ATP8A1: variants seen among roughly 807,000 people sequenced by gnomAD.
ATP8A1 encodes phospholipid-transporting ATPase IA.
Under a neutral mutation model 177.7 loss-of-function variants are expected in ATP8A1, and 90 were observed. The ratio of observed to expected loss-of-function variants is 0.51; its 90% CI spans 0.43 to 0.60. ATP8A1 has a LOEUF of 0.60. Ranked by LOEUF, ATP8A1 falls within the 20% of genes least tolerant of loss-of-function variation. The probability of loss-of-function intolerance (pLI) is 0.00; values close to 1 mark genes in which losing one functional copy is unlikely to be tolerated. For synonymous variants in ATP8A1, 493 were observed against 485.9 expected, an observed-to-expected ratio of 1.01 and a Z score of -0.19; for missense variants, 1,072 against 1,392.8, an observed-to-expected ratio of 0.77 and a Z score of 3.67.
intron 15 of ATP8A1, among the ~76,000 whole-genome samples, chr4:42,563,310 TGAGA>T (rs1428116660): frequency 1.3e-5 from 2 of 152,132 alleles, no homozygotes; most frequent in Non-Finnish European, 2.9e-5. Context: ...ACTTCGAACT[TGAGA>T]GAGATGATTA....
intron 14 of ATP8A1, 144 bp downstream of exon 14, chr4:42,574,475 G>T: frequency 1.5e-6 from 1 of 662,458 alleles, no homozygotes; most frequent in Non-Finnish European, 2.6e-6. Flanking sequence ...ATATACATGT[G>T]TCCTAAAATT....
chr4:42,620,059 G>C (rs1288816237), intron 4 of ATP8A1, among the ~76,000 whole-genome samples: 1 of 152,144 alleles, frequency 6.6e-6, no homozygotes, highest in African/African-American at 2.4e-5. Context: ...CACAGCAAAA[G>C]TTTAACACAT....
intron 5 of ATP8A1, among the ~76,000 whole-genome samples, chr4:42,614,489 G>C (rs1433062830): frequency 6.6e-6 from 1 of 152,098 alleles, no homozygotes; most frequent in Non-Finnish European, 1.5e-5. Context: ...TTCAATTCCT[G>C]TGTTTGTCCC....
intron 27 of ATP8A1, among the ~76,000 whole-genome samples, chr4:42,455,973 TG>T (rs1476926209): frequency 2.0e-5 from 3 of 152,338 alleles, no homozygotes; most frequent in Non-Finnish European, 1.5e-5. Flanking sequence ...ATTTAAAGAT[TG>T]TTTTTTAAAA....
chr4:42,556,994 G>T (rs1272983931), intron 15 of ATP8A1, among the ~76,000 whole-genome samples: 1 of 152,152 alleles, frequency 6.6e-6, no homozygotes, highest in African/African-American at 2.4e-5. Context: ...ATATTGTAAA[G>T]GCAGCAGCTT....
In ATP8A1 at chr4:42,474,095, A is replaced by G. The variant is rs182376243; in HGVS notation, c.2325-9019T>C. On this transcript the variant is annotated intron_variant, in intron 25 of 36. Coordinates refer to ENST00000381668, the MANE Select transcript of ATP8A1 (RefSeq NM_006095.2). ...GAAGGTGGAACAATTGGTCGCACAG[A>G]CTATTGACAGAAACTAAAATACAAC... Among the ~76,000 whole-genome samples, 66 of 152,300 alleles carry G rather than the reference A, an allele frequency of 4.3e-4. 1 individual carries two copies. The highest frequency in any genetic ancestry group is 2.7e-3 in the Admixed American group (42 of 15,296).
rs562273313 is a variant in ATP8A1 at position 42,612,831 on chromosome 4, G to T, written c.409+3202C>A. Among the ~76,000 whole-genome samples the T allele has an allele frequency of 2.2e-4, 33 of 152,278 alleles. No individual in the cohort carries two copies. In the South Asian group the frequency reaches 6.2e-3, roughly 29 times the overall value. On this transcript the variant is annotated intron_variant, in intron 5 of 36. Coordinates refer to ENST00000381668, the MANE Select transcript of ATP8A1 (RefSeq NM_006095.2). ...AAAAAGACAAGTTTATATTTCTGAA[G>T]TTGCTAAGGAATGAGAGTGTTACCC...
At chr4:42,631,631 A>G (rs578077330) in intron 1 of ATP8A1, among the ~76,000 whole-genome samples, 1 of 152,334 alleles carries the variant, frequency 6.6e-6, no homozygotes, top group East Asian at 1.9e-4. Flanking sequence ...CTGTTGGCTA[A>G]TGCTTCTATT....
chr4:42,635,682 A>G (rs1455601339), intron 1 of ATP8A1, among the ~76,000 whole-genome samples: 6 of 150,462 alleles, frequency 4.0e-5, no homozygotes, highest in African/African-American at 1.2e-4. Context: ...ATATGCACAC[A>G]TATGTATTTG....
chr4:42,582,983 A>G (rs1733248345), intron 9 of ATP8A1, among the ~76,000 whole-genome samples: 1 of 152,230 alleles, frequency 6.6e-6, no homozygotes, highest in Admixed American at 6.5e-5. Context: ...AAGGTCAAAT[A>G]TAAAGAAAAA....
chr4:42,507,799 A>AAAACAAAAC (rs1724591775), intron 22 of ATP8A1, among the ~76,000 whole-genome samples: 1 of 118,902 alleles, frequency 8.4e-6, no homozygotes, highest in South Asian at 3.5e-4. Flanking sequence ...AAAAAAAAAA[A>AAAACAAAAC]AAAAAAAAAA....
chr4:42,582,599 A>G (rs946729326), intron 9 of ATP8A1, among the ~76,000 whole-genome samples: 8 of 151,050 alleles, frequency 5.3e-5, no homozygotes, highest in Non-Finnish European at 1.2e-4. Context: ...CTCACCACTT[A>G]TTTGCATTGC....
At chr4:42,639,369 A>G (rs986320329) in intron 1 of ATP8A1, among the ~76,000 whole-genome samples, 5 of 152,186 alleles carry the variant, frequency 3.3e-5, no homozygotes, top group African/African-American at 1.2e-4. Flanking sequence ...TCTGGGACAC[A>G]AAGAATTGAT....
intron 12 of ATP8A1, among the ~76,000 whole-genome samples, chr4:42,576,289 G>A (rs150117647): frequency 6.1e-4 from 92 of 151,752 alleles, no homozygotes; most frequent in African/African-American, 2.1e-3. Context: ...GGCTAACACG[G>A]TGAAACCCCG....
At chr4:42,534,023 T>C (rs953365754) in intron 20 of ATP8A1, among the ~76,000 whole-genome samples, 24 of 152,100 alleles carry the variant, frequency 1.6e-4, no homozygotes, top group African/African-American at 4.8e-4. Context: ...ATCTAAACAG[T>C]TGCCCTTGAG....
At chr4:42,493,671 T>C (rs1246269811) in intron 24 of ATP8A1, among the ~76,000 whole-genome samples, 1 of 152,194 alleles carries the variant, frequency 6.6e-6, no homozygotes, top group African/African-American at 2.4e-5. Flanking sequence ...TTCCTCCGAA[T>C]CCTTGCTCTG....
chr4:42,655,433 A>G (rs1560570220), intron 1 of ATP8A1, among the ~76,000 whole-genome samples: 1 of 152,162 alleles, frequency 6.6e-6, no homozygotes, highest in African/African-American at 2.4e-5. Context: ...GGACCCATCA[A>G]TTGCTATTAT....
intron 24 of ATP8A1, among the ~76,000 whole-genome samples, chr4:42,492,038 T>G (rs1008798922): frequency 5.9e-5 from 9 of 152,218 alleles, no homozygotes; most frequent in African/African-American, 1.7e-4. Flanking sequence ...GCTCTGAGGC[T>G]GCAATTACTT....
At chr4:42,421,696 C>T (rs1309886655) in intron 35 of ATP8A1, among the ~76,000 whole-genome samples, 1 of 152,120 alleles carries the variant, frequency 6.6e-6, no homozygotes, top group South Asian at 2.1e-4. Flanking sequence ...CTGACAACTA[C>T]TCCATTGTGT....
Sources: allele counts gnomAD v4.1 joint callset (sites outside exome capture counted in the v4.1 genomes callset), GRCh38; gene constraint gnomAD v4.1.1; transcripts MANE v1.5; gene names NCBI Gene and HGNC (gene_info 2026-07-23, HGNC 2026-07-21).